The following DRC11L variants were observed in gnomAD, a reference collection of about 807,000 sequenced individuals.
DRC11L encodes the protein dynein regulatory complex subunit like-11.
the DRC11L span, among the ~76,000 whole-genome samples, chr7:151,200,228 G>T: frequency 6.6e-6 from 1 of 152,182 alleles, no homozygotes; most frequent in African/African-American, 2.4e-5. Context: ...GGGCTTTTCT[G>T]TCCTTCTGCC....
At chr7:151,191,611 C>T in the DRC11L span, 1 of 399,180 alleles carries the variant, frequency 2.5e-6, no homozygotes, top group Non-Finnish European at 4.4e-6. Context: ...CGCTGCTTAC[C>T]CACAGCCCCT....
chr7:151,200,371 G>C, the DRC11L span: 120 of 399,064 alleles, frequency 3.0e-4, no homozygotes, highest in Non-Finnish European at 3.7e-4. Context: ...ATGGTGGGCA[G>C]GTTGAGCTCA....
chr7:151,203,185 G>A, the DRC11L span: 3 of 398,520 alleles, frequency 7.5e-6, no homozygotes, highest in Non-Finnish European at 1.3e-5. Flanking sequence ...ATCAAAGGAT[G>A]CACCAGGACA....
At chr7:151,203,958 G>A in the DRC11L span, among the ~76,000 whole-genome samples, 1 of 152,216 alleles carries the variant, frequency 6.6e-6, no homozygotes, top group Non-Finnish European at 1.5e-5. Flanking sequence ...CCGGACTGGA[G>A]GCGCCGCAGA....
chr7:151,195,984 T>G, the DRC11L span: 1 of 245,368 alleles, frequency 4.1e-6, no homozygotes, highest in Non-Finnish European at 7.8e-6. Flanking sequence ...ACCTAAATGA[T>G]TGCATAACCG....
chr7:151,202,778 G>GACAC, the DRC11L span: 1 of 397,420 alleles, frequency 2.5e-6, no homozygotes, highest in Admixed American at 4.4e-5. Flanking sequence ...TTGAACCCAG[G>GACAC]ACACAGAGGC....
chr7:151,203,960 C>T, the DRC11L span, among the ~76,000 whole-genome samples: 8 of 152,206 alleles, frequency 5.3e-5, no homozygotes, highest in Non-Finnish European at 1.0e-4. Flanking sequence ...GGACTGGAGG[C>T]GCCGCAGAAG....
At chr7:151,203,134 G>C in the DRC11L span, 2 of 399,114 alleles carry the variant, frequency 5.0e-6, no homozygotes, top group African/African-American at 4.1e-5. Flanking sequence ...GAGCACATGA[G>C]GGAGAGCTTG....
the DRC11L span, among the ~76,000 whole-genome samples, chr7:151,193,667 G>A: frequency 5.1e-4 from 77 of 152,168 alleles, no homozygotes; most frequent in Non-Finnish European, 9.8e-4. Flanking sequence ...TCTGGGAGCC[G>A]GGAGTGGCAG....
At chr7:151,201,880 C>T in the DRC11L span, among the ~76,000 whole-genome samples, 1 of 152,166 alleles carries the variant, frequency 6.6e-6, no homozygotes, top group South Asian at 2.1e-4. This position sits in a 1 kb window ranked among gnomAD's most constrained non-coding sequence, Gnocchi z 4.1. Flanking sequence ...CGGGGCTCCT[C>T]CAGTCTCTGG....
the DRC11L span, chr7:151,192,355 C>G: frequency 2.5e-6 from 1 of 399,314 alleles, no homozygotes. Flanking sequence ...TCTCGGCCAG[C>G]TGTGGCCGGG....
chr7:151,204,715 A>T, the DRC11L span: 1 of 399,016 alleles, frequency 2.5e-6, no homozygotes, highest in Non-Finnish European at 4.4e-6. Flanking sequence ...AGGTAGAGCG[A>T]TGCGAGCCTG....
chr7:151,195,852 G>T, the DRC11L span: 1 of 384,470 alleles, frequency 2.6e-6, no homozygotes, highest in Non-Finnish European at 4.6e-6. Flanking sequence ...CCTGGCACCT[G>T]TTCACACCCA....
At chr7:151,193,469 A>G in the DRC11L span, 3 of 399,272 alleles carry the variant, frequency 7.5e-6, no homozygotes, top group Non-Finnish European at 8.8e-6. Context: ...GAGTGGGGCC[A>G]TGATGTGGAT....
At chr7:151,199,236 TA>T in the DRC11L span, among the ~76,000 whole-genome samples, 380 of 152,246 alleles carry the variant, frequency 2.5e-3, 4 homozygotes, top group African/African-American at 8.1e-3. This position sits in a 1 kb window ranked among gnomAD's most constrained non-coding sequence, Gnocchi z 5.2. Flanking sequence ...ATGAGTCTGC[TA>T]GATGCATCCA....
the DRC11L span, among the ~76,000 whole-genome samples, chr7:151,204,227 T>G: frequency 6.6e-6 from 1 of 152,136 alleles, no homozygotes; most frequent in South Asian, 2.1e-4. Context: ...AGTACCTCCA[T>G]GCACACCCCC....
chr7:151,195,414 G>A, the DRC11L span: 6 of 399,024 alleles, frequency 1.5e-5, no homozygotes, highest in South Asian at 1.3e-4. Flanking sequence ...AAGTGGGCAC[G>A]ACAGGGTCCT....
At chr7:151,202,964 C>G in the DRC11L span, 3 of 399,856 alleles carry the variant, frequency 7.5e-6, no homozygotes, top group East Asian at 1.1e-4. Context: ...CATCCATCCT[C>G]CCGAATCCTC....
At chr7:151,195,166 C>T in the DRC11L span, among the ~76,000 whole-genome samples, 4 of 152,126 alleles carry the variant, frequency 2.6e-5, no homozygotes, top group Non-Finnish European at 5.9e-5. Context: ...AAGTGGAGAG[C>T]AATGACCTGA....
Sources: gnomAD v4.1 joint callset for allele counts (sites outside exome capture counted in the v4.1 genomes callset) on GRCh38, gnomAD v4.1.1 for gene constraint, Gnocchi (gnomAD v3.1) non-coding constraint, MANE v1.5 for transcripts, NCBI Gene and HGNC (gene_info 2026-07-23, HGNC 2026-07-21) for gene names.